The following FBLN2 variants were observed in gnomAD, a reference collection of about 807,000 sequenced individuals.
FBLN2 encodes the protein fibulin 2, also known as fibulin-2.
FBLN2 carries 81 observed loss-of-function variants against 123.7 expected under a neutral mutation model. The observed-to-expected ratio is 0.65, with a 90% confidence interval of 0.55 to 0.79. The LOEUF is 0.79. Among genes scored for constraint, FBLN2 ranks in the 30% least tolerant of loss-of-function variants. The pLI is 0.00. For missense variants in FBLN2, 1,603 were observed against 1,681.3 expected (o/e 0.95, Z 0.81); for synonymous variants, 699 against 701.4 (o/e 1.00, Z 0.05).
Position 13,571,122 on chromosome 3 carries a change from C to T in FBLN2, c.767C>T (p.Ala256Val), listed in dbSNP as rs750215071. ...PWPAVLPRPT[A>V]AAALGPPAPV... ...CCAGCTGTCCTCCCCAGGCCCACAG[C>T]GGCTGCTGCCCTGGGTCCCCCAGCC... The change falls in exon 2 of 18, where the codon GCG (alanine) becomes GTG (valine). Residue 256 changes from alanine to valine, a missense_variant. Physicochemically the swap from Ala to Val is moderately conservative, Grantham distance 64 (BLOSUM62 0). Transcript: ENST00000404922. 3.1e-5 allele frequency: 48 copies of T among 1,552,266 alleles called. No homozygotes were observed. The highest frequency in any genetic ancestry group is 1.7e-4 in the Middle Eastern group (1 of 5,992).
intron 2 of FBLN2, among the ~76,000 whole-genome samples, chr3:13,596,022 T>G (rs1704829424): frequency 1.3e-5 from 2 of 152,238 alleles, no homozygotes; most frequent in Admixed American, 6.5e-5. Context: ...TTATTAGAGA[T>G]ACTATTCAGG....
chr3:13,553,226 A>G (rs1703372464), intron 1 of FBLN2, among the ~76,000 whole-genome samples: 1 of 152,214 alleles, frequency 6.6e-6, no homozygotes, highest in African/African-American at 2.4e-5. Context: ...AGCGAGCAAC[A>G]GGCAGCCTCA....
intron 11 of FBLN2, 64 bp downstream of exon 11, chr3:13,628,033 C>T (rs949417351): frequency 6.4e-7 from 1 of 1,556,762 alleles, no homozygotes; most frequent in East Asian, 2.3e-5. Flanking sequence ...ATTGTGGGGG[C>T]TTTTAGGGCT....
At chr3:13,558,335 T>G (rs1043511761) in intron 1 of FBLN2, among the ~76,000 whole-genome samples, 1 of 152,120 alleles carries the variant, frequency 6.6e-6, no homozygotes, top group South Asian at 2.1e-4. Context: ...TCTGTCAGTC[T>G]CTGTGTCTCT....
intron 17 of FBLN2, 31 bp from the exon 18 acceptor site, chr3:13,637,531 C>T (rs1345059059): frequency 3.2e-6 from 5 of 1,554,962 alleles, no homozygotes; most frequent in African/African-American, 1.4e-5. Flanking sequence ...GGTGGGCGAG[C>T]TGTGGGTGAC....
At chr3:13,567,113 G>T (rs543559103) in intron 1 of FBLN2, among the ~76,000 whole-genome samples, 4 of 152,330 alleles carry the variant, frequency 2.6e-5, no homozygotes, top group Non-Finnish European at 5.9e-5. Flanking sequence ...GTGATGCTGG[G>T]GGCCTGGGGG....
rs1249960123 is a variant in FBLN2 at position 13,549,148 on chromosome 3, G to C, written c.-102G>C. 1 of 982,868 alleles carries C rather than the reference G, an allele frequency of 1.0e-6. No homozygotes were observed. The highest frequency in any genetic ancestry group is 1.8e-5 in the African/African-American group (1 of 57,034). 60.9% of individuals were successfully genotyped at this position (982,868 alleles called of 1,614,324 possible). On this transcript the variant is annotated 5_prime_UTR_variant, in exon 1 of 18. Transcript: ENST00000404922. The stretch of plus-strand genomic sequence containing the variant: ...GCGCACACAGCCAGGGGCCGCCCGG[G>C]CTCTCGACGCGCCGACGGCCGGGCG...
At position 13,570,767 on chromosome 3, in the gene FBLN2, G is replaced by T. The variant is rs1703912233; in HGVS notation, c.412G>T (p.Gly138Cys). The change falls in exon 2 of 18, where the codon GGC becomes TGC. Residue 138 changes from glycine to cysteine, a missense_variant. By Grantham distance (159) the Gly-to-Cys change is radical. Transcript: ENST00000404922. ...CAGCTGCCCACAGTGCGGCCAGGTG[G>T]GCTGCGTCCACGCGGGCCACAAGTA... is the stretch of plus-strand genomic sequence containing the variant. ...ADSCPQCGQV[G>C]CVHAGHKYAA... 1 of 1,601,848 alleles carries T rather than the reference G, an allele frequency of 6.2e-7. No individual in the cohort carries two copies. Among genetic ancestry groups the T allele is most frequent in the Non-Finnish European group, 8.5e-7 (1 of 1,175,164 alleles).
chr3:13,608,727 T>G (rs1051650748), intron 3 of FBLN2, among the ~76,000 whole-genome samples: 3 of 152,118 alleles, frequency 2.0e-5, no homozygotes, highest in African/African-American at 4.8e-5. Context: ...CATGCTTTGT[T>G]TTTTTCCAGG....
chr3:13,623,717 AT>A (rs1428490430), intron 9 of FBLN2, among the ~76,000 whole-genome samples: 1 of 152,146 alleles, frequency 6.6e-6, no homozygotes, highest in Non-Finnish European at 1.5e-5. Context: ...GGCTCTTTCA[AT>A]TTTTAATCAT....
intron 5 of FBLN2, among the ~76,000 whole-genome samples, chr3:13,614,785 C>T (rs746557926): frequency 2.6e-4 from 39 of 151,956 alleles, no homozygotes; most frequent in Middle Eastern, 6.8e-3. Flanking sequence ...GTTTGTTTAT[C>T]CATCCATCCA....
At chr3:13,568,569 T>A (rs1703819014) in intron 1 of FBLN2, among the ~76,000 whole-genome samples, 1 of 152,224 alleles carries the variant, frequency 6.6e-6, no homozygotes, top group Non-Finnish European at 1.5e-5. Context: ...CGTGTGCTGA[T>A]GTGGCTCAGC....
At chr3:13,611,357 G>A (rs1705386033) in intron 4 of FBLN2, among the ~76,000 whole-genome samples, 1 of 152,268 alleles carries the variant, frequency 6.6e-6, no homozygotes, top group South Asian at 2.1e-4. Flanking sequence ...TTGCGCAGCC[G>A]TCACCACCAA....
chr3:13,587,775 C>T (rs1704556150), intron 2 of FBLN2, among the ~76,000 whole-genome samples: 1 of 152,244 alleles, frequency 6.6e-6, no homozygotes, highest in African/African-American at 2.4e-5. Flanking sequence ...ACCCAAACAT[C>T]ATTCCTTTCT....
In FBLN2 at chr3:13,636,438, C is replaced by T. The variant is rs112155686; in HGVS notation, c.3215-7C>T. The T allele has an allele frequency of 2.5e-6, 4 of 1,613,208 alleles. No homozygotes were observed. Among genetic ancestry groups the T allele is most frequent in the Admixed American group, 1.7e-5 (1 of 59,928 alleles). Reference sequence around the variant, plus strand: ...GGGACCCTGCCATTGCCCCTCTTCTCCCCCAGACGTGGATGAGTGTGCACT... The same window carrying T: ...GGGACCCTGCCATTGCCCCTCTTCTTCCCCAGACGTGGATGAGTGTGCACT... On this transcript the variant is annotated splice_polypyrimidine_tract_variant and splice_region_variant and intron_variant, in intron 16 of 17. Transcript: ENST00000404922.
chr3:13,613,880 A>T, intron 4 of FBLN2, 104 bp from the exon 5 acceptor site: 2 of 1,281,794 alleles, frequency 1.6e-6, no homozygotes, highest in South Asian at 3.0e-5. Context: ...CTGGCAGAGG[A>T]GATAAGATAA....
At chr3:13,613,959 C>T (rs1705489128) in intron 4 of FBLN2, 25 bp from the exon 5 acceptor site, 1 of 1,603,024 alleles carries the variant, frequency 6.2e-7, no homozygotes. Flanking sequence ...AGAGATTGGG[C>T]AGTGATAACT....
chr3:13,581,873 A>C (rs1034934425), intron 2 of FBLN2, among the ~76,000 whole-genome samples: 1 of 152,250 alleles, frequency 6.6e-6, no homozygotes, highest in Admixed American at 6.5e-5. Flanking sequence ...TGTTGAGCCC[A>C]GCTCTGAACC....
intron 2 of FBLN2, among the ~76,000 whole-genome samples, chr3:13,601,087 T>A (rs1705016963): frequency 6.6e-6 from 1 of 152,228 alleles, no homozygotes; most frequent in African/African-American, 2.4e-5. Context: ...GAAATAGGAA[T>A]GCTGACAGTT....
Sources: gnomAD v4.1 joint callset for allele counts (sites outside exome capture counted in the v4.1 genomes callset) on GRCh38, gnomAD v4.1.1 for gene constraint, MANE v1.5 for transcripts, NCBI Gene and HGNC (gene_info 2026-07-23, HGNC 2026-07-21) for gene names.